Variants in BTNL9 observed in about 807,000 individuals in gnomAD.
The protein encoded by BTNL9 is butyrophilin-like protein 9.
BTNL9 carries 45 observed loss-of-function variants against 45.8 expected under a neutral mutation model. The ratio of observed to expected loss-of-function variants is 0.98; its 90% CI spans 0.77 to 1.26. The LOEUF is 1.26. Among genes scored for constraint, BTNL9 ranks in the 50% most tolerant of loss-of-function variants. BTNL9 has a pLI of 0.00. For synonymous variants in BTNL9, 346 were observed against 330.8 expected, an observed-to-expected ratio of 1.05 and a Z score of -0.50; for missense variants, 784 against 729.7, an observed-to-expected ratio of 1.07 and a Z score of -0.86.
chr5:181,059,745 G>A lies in BTNL9; in HGVS notation c.1491G>A (p.Pro497=), dbSNP rs764608600. 44 of 1,612,562 alleles carry A rather than the reference G, an allele frequency of 2.7e-5. No individual in the cohort carries two copies. In the Admixed American group the frequency reaches 6.7e-4, roughly 24 times the overall value. ...GGGCCCACGACGGCGGCGAACATCC[G>A]GATCCCCTGACCATCTGCCCGCTGC... ...RPRAHDGGEH[P]DPLTICPLPV... Residue 497 remains proline, a synonymous_variant, in exon 11 of 11, where the codon CCG becomes CCA. Transcript: ENST00000327705.
At chr5:181,045,665 G>A (rs1029096414) in intron 2 of BTNL9, 67 bp downstream of exon 2, 4 of 1,281,416 alleles carry the variant, frequency 3.1e-6, no homozygotes, top group African/African-American at 1.5e-5. Flanking sequence ...GCTCCCCAGG[G>A]CTACGATCTT....
At position 181,061,364 on chromosome 5, in the gene BTNL9, G is replaced by C. The variant is rs1414324825; in HGVS notation, c.*1502G>C. The stretch of plus-strand genomic sequence containing the variant: ...TTGAAATTTTGCAAACTAAGAGTTG[G>C]GTGGCGGGGAGAAGGATACACCAAA... On this transcript the variant is annotated 3_prime_UTR_variant, in exon 11 of 11. Transcript: ENST00000327705. The C allele has an allele frequency of 6.6e-6, 1 of 152,154 alleles. No homozygotes were observed. The allele number at this position is 152,154 out of a possible 1,614,324, so 9.4% of individuals were successfully genotyped here.
intron 4 of BTNL9, among the ~76,000 whole-genome samples, chr5:181,051,319 G>A (rs1226270599): frequency 6.6e-6 from 1 of 152,002 alleles, no homozygotes; most frequent in Non-Finnish European, 1.5e-5. Flanking sequence ...CCCAACATAC[G>A]GGCCACTTTT....
intron 2 of BTNL9, 40 bp downstream of exon 2, chr5:181,045,638 C>G (rs766845674): frequency 1.3e-6 from 2 of 1,503,078 alleles, no homozygotes; most frequent in Middle Eastern, 1.7e-4. Flanking sequence ...ATGTGAACGC[C>G]ACCCCTCCTG....
In BTNL9 at chr5:181,055,112, G is replaced by T; in HGVS notation, c.908-321G>T. 8.7e-7 allele frequency: 1 copy of T among 1,146,184 alleles called. No homozygotes were observed. The highest frequency in any genetic ancestry group is 1.1e-6 in the Non-Finnish European group (1 of 931,664). The allele number at this position is 1,146,184 out of a possible 1,614,324, so 71.0% of individuals were successfully genotyped here. ...GTGCCTGCACTTAGGCGGGAGCTCC[G>T]CCCCAGGAAGCTTGTGATTTCAGGC... On this transcript the variant is annotated intron_variant, in intron 7 of 10. Coordinates refer to ENST00000327705, the MANE Select transcript of BTNL9 (RefSeq NM_152547.5). The surrounding 1 kb of genome is among the most constrained non-coding windows in gnomAD (Gnocchi z 4.4).
At chr5:181,044,552 G>A (rs4078419) in intron 1 of BTNL9, among the ~76,000 whole-genome samples, 76,694 of 152,040 alleles carry the variant, frequency 0.5, 19,552 homozygotes, top group African/African-American at 0.55. Flanking sequence ...GTGGGCATTG[G>A]TTTCTTCCAT....
chr5:181,053,586 G>A lies in BTNL9; in HGVS notation c.886+85G>A, dbSNP rs1417516807. 3 of 1,550,212 alleles carry A rather than the reference G, an allele frequency of 1.9e-6. No homozygotes were observed. Among genetic ancestry groups the A allele is most frequent in the African/African-American group, 1.4e-5 (1 of 73,102 alleles). ...TAAAGGCTGTGGGTCCCGTTACGAG[G>A]GTTTATTCCAGCGCGAGGTGTCAGG... On this transcript the variant is annotated intron_variant, in intron 6 of 10. Transcript: ENST00000327705. The surrounding 1 kb of genome is among the most constrained non-coding windows in gnomAD (Gnocchi z 6.5).
At chr5:181,041,778 A>G (rs971536235) in intron 1 of BTNL9, among the ~76,000 whole-genome samples, 10 of 152,254 alleles carry the variant, frequency 6.6e-5, no homozygotes, top group Non-Finnish European at 1.3e-4. Flanking sequence ...TTTCAAATAC[A>G]GACTTTTTAA....
Position 181,053,108 on chromosome 5 carries a change from G to A in BTNL9, c.737-92G>A, listed in dbSNP as rs1380676702. On this transcript the variant is annotated intron_variant, in intron 4 of 10. Coordinates refer to ENST00000327705, the MANE Select transcript of BTNL9 (RefSeq NM_152547.5). The surrounding 1 kb of genome is among the most constrained non-coding windows in gnomAD (Gnocchi z 6.5). ...GGTGGCGCCCGGAGAAGGTCCCGCG[G>A]GAGGTTTCCCGGCACGCGGCGGGCA... The A allele has an allele frequency of 1.3e-5, 15 of 1,130,626 alleles. No homozygotes were observed. The highest frequency in any genetic ancestry group is 1.9e-5 in the Non-Finnish European group (15 of 807,520). 70.0% of individuals were successfully genotyped at this position (1,130,626 alleles called of 1,614,324 possible). A position where few individuals can be genotyped will look rare whatever the true frequency, so the allele number is the denominator to read the frequency against.
chr5:181,057,769 T>G (rs1210024845), intron 9 of BTNL9, among the ~76,000 whole-genome samples: 4 of 152,202 alleles, frequency 2.6e-5, no homozygotes, highest in African/African-American at 9.6e-5. Context: ...TCACCAGTTA[T>G]CCTGACGCAA....
At chr5:181,045,784 AC>A (rs1260256875) in intron 2 of BTNL9, among the ~76,000 whole-genome samples, 186 bp downstream of exon 2, 31 of 139,160 alleles carry the variant, frequency 2.2e-4, no homozygotes, top group African/African-American at 8.2e-4. Flanking sequence ...ATGTTCCTCC[AC>A]CATCTCCCCA....
rs1761662430 is a variant in BTNL9, at chr5:181,053,123, C to T, written c.737-77C>T. Reference sequence around the variant, plus strand: ...AGGTCCCGCGGGAGGTTTCCCGGCACGCGGCGGGCAGGCCGGTCTCGCCTC... The same window carrying T: ...AGGTCCCGCGGGAGGTTTCCCGGCATGCGGCGGGCAGGCCGGTCTCGCCTC... On this transcript the variant is annotated intron_variant, in intron 4 of 10. Transcript: ENST00000327705. The surrounding 1 kb of genome is among the most constrained non-coding windows in gnomAD (Gnocchi z 6.5). 1 of 1,274,398 alleles carries T rather than the reference C, an allele frequency of 7.8e-7. No homozygotes were observed. The highest frequency in any genetic ancestry group is 1.1e-6 in the Non-Finnish European group (1 of 930,736). The allele number at this position is 1,274,398 out of a possible 1,614,324, so 78.9% of individuals were successfully genotyped here.
In BTNL9 at chr5:181,053,682, G is replaced by A. The variant is rs75545556; in HGVS notation, c.886+181G>A. On this transcript the variant is annotated intron_variant, in intron 6 of 10. Coordinates refer to ENST00000327705, the MANE Select transcript of BTNL9 (RefSeq NM_152547.5). This position sits in a 1 kb window ranked among gnomAD's most constrained non-coding sequence, Gnocchi z 6.5. ...GAAGATCGTTCATATGGACAAAAGCGGAGGTGCGGAACGGCTGCATTTTCC... is the reference window on the plus strand; with the variant it reads ...GAAGATCGTTCATATGGACAAAAGCAGAGGTGCGGAACGGCTGCATTTTCC... 8,100 of 1,517,868 alleles carry A rather than the reference G, an allele frequency of 5.3e-3. 319 individuals carry two copies. In the African/African-American group the frequency reaches 0.095, roughly 18 times the overall value. The allele number at this position is 1,517,868 out of a possible 1,614,324, so 94.0% of individuals were successfully genotyped here. A position where few individuals can be genotyped will look rare whatever the true frequency, so the allele number is the denominator to read the frequency against.
In BTNL9 at chr5:181,040,383, G is replaced by A. The variant is rs1296985426; in HGVS notation, c.-73G>A. On this transcript the variant is annotated 5_prime_UTR_variant, in exon 1 of 11. Coordinates refer to ENST00000327705, the MANE Select transcript of BTNL9 (RefSeq NM_152547.5). The stretch of plus-strand genomic sequence containing the variant: ...TCATCACCCTTTGCAGAGGAGGTGA[G>A]CTCACCAGGACTCATCTGCCATTTC... 1 of 152,146 alleles carries A rather than the reference G, an allele frequency of 6.6e-6. No homozygotes were observed. Among genetic ancestry groups the A allele is most frequent in the Non-Finnish European group, 1.5e-5 (1 of 68,040 alleles). 9.4% of individuals were successfully genotyped at this position (152,146 alleles called of 1,614,324 possible). A position where few individuals can be genotyped will look rare whatever the true frequency, so the allele number is the denominator to read the frequency against.
intron 1 of BTNL9, among the ~76,000 whole-genome samples, chr5:181,044,461 A>C (rs531561882): frequency 2.8e-4 from 42 of 152,300 alleles, no homozygotes; most frequent in African/African-American, 1.0e-3. Context: ...TCCCAGGACG[A>C]AGACAGTGCG....
Position 181,059,410 on chromosome 5 carries a change from T to TG in BTNL9, c.1159dup (p.Glu387GlyfsTer122). 1.3e-6 allele frequency: 2 copies of TG among 1,508,492 alleles called. No homozygotes were observed. The highest frequency in any genetic ancestry group is 1.8e-6 in the Non-Finnish European group (2 of 1,132,024). 93.4% of individuals were successfully genotyped at this position (1,508,492 alleles called of 1,614,324 possible). A position where few individuals can be genotyped will look rare whatever the true frequency, so the allele number is the denominator to read the frequency against. ...GCGGTTCTCCGCCGGCCGCCACTAC[T>TG]GGGAGGTGCACGTGGGCCGCCGCAG... On this transcript the variant is annotated frameshift_variant, in exon 11 of 11. Coordinates refer to ENST00000327705, the MANE Select transcript of BTNL9 (RefSeq NM_152547.5). LOFTEE classifies it low-confidence loss of function (END_TRUNC).
Position 181,053,266 on chromosome 5 carries a change from TC to T in BTNL9, c.805del (p.Leu269SerfsTer19). 6.3e-7 allele frequency: 1 copy of T among 1,588,154 alleles called. No homozygotes were observed. The highest frequency in any genetic ancestry group is 8.6e-7 in the Non-Finnish European group (1 of 1,168,594). ...GTCGCGACCCTGCCGCTGCTGTTGG[TC>T]CTCGCGGCGCTGGCGCTGGGCGTCC... ...AFVATLPLLLVLAALALGVLR... is the reference protein window; with the variant it reads ...AFVATLPLLLXLAALALGVLR... On this transcript the variant is annotated frameshift_variant, in exon 5 of 11. Coordinates refer to ENST00000327705, the MANE Select transcript of BTNL9 (RefSeq NM_152547.5). LOFTEE classifies it high-confidence loss of function. The surrounding 1 kb of genome is among the most constrained non-coding windows in gnomAD (Gnocchi z 6.5).
chr5:181,059,461 G>C lies in BTNL9; in HGVS notation c.1207G>C (p.Ala403Pro). Residue 403 changes from alanine to proline, a missense_variant, in exon 11 of 11, where the codon GCC (alanine) becomes CCC (proline). Ala to Pro is a conservative substitution (Grantham distance 27). Coordinates refer to ENST00000327705, the MANE Select transcript of BTNL9 (RefSeq NM_152547.5). ...CCGCTGGTTCCTGGGCGCCTGCCTGGCCGCGGTGCCGCGCGCGGGGCCTGC... is the reference window on the plus strand; with the variant it reads ...CCGCTGGTTCCTGGGCGCCTGCCTGCCCGCGGTGCCGCGCGCGGGGCCTGC... ...RSRWFLGACL[A>P]AVPRAGPARL... The C allele has an allele frequency of 6.9e-7, 1 of 1,442,596 alleles. No individual in the cohort carries two copies. Among genetic ancestry groups the C allele is most frequent in the South Asian group, 1.4e-5 (1 of 69,462 alleles). The allele number at this position is 1,442,596 out of a possible 1,614,324, so 89.4% of individuals were successfully genotyped here.
chr5:181,056,456 C>G, intron 9 of BTNL9: 1 of 686,594 alleles, frequency 1.5e-6, no homozygotes, highest in Non-Finnish European at 2.7e-6. Context: ...ATGTTCCTTG[C>G]TTTTCCCGTA....
Sources: gnomAD v4.1 joint callset for allele counts (sites outside exome capture counted in the v4.1 genomes callset) on GRCh38, gnomAD v4.1.1 for gene constraint, Gnocchi (gnomAD v3.1) non-coding constraint, MANE v1.5 for transcripts, NCBI Gene and HGNC (gene_info 2026-07-23, HGNC 2026-07-21) for gene names.